KCNQ1: variants seen among roughly 807,000 people sequenced by gnomAD.
KCNQ1 encodes potassium voltage-gated channel subfamily KQT member 1.
In KCNQ1, 49 loss-of-function variants were observed where a neutral mutation model predicts 72.4. That is an observed-to-expected ratio of 0.68 (90% CI 0.54 to 0.86). The LOEUF (loss-of-function observed/expected upper bound fraction) is 0.86, where lower values mean the gene tolerates loss of function less well. Among genes scored for constraint, KCNQ1 ranks in the 40% least tolerant of loss-of-function variants. The probability of loss-of-function intolerance (pLI) is 0.00; values close to 1 mark genes in which losing one functional copy is unlikely to be tolerated. For missense variants in KCNQ1, 790 were observed against 945.1 expected, an observed-to-expected ratio of 0.84 and a Z score of 2.15; for synonymous variants, 450 against 412.6, an observed-to-expected ratio of 1.09 and a Z score of -1.10.
chr11:2,613,543 C>T lies in KCNQ1; in HGVS notation c.1393+24689C>T, dbSNP rs902716240. 3 of 398,470 alleles carry T rather than the reference C, an allele frequency of 7.5e-6. No individual in the cohort carries two copies. The highest frequency in any genetic ancestry group is 1.3e-5 in the Non-Finnish European group (3 of 226,024). The allele number at this position is 398,470 out of a possible 1,614,324, so 24.7% of individuals were successfully genotyped here. A position where few individuals can be genotyped will look rare whatever the true frequency, so the allele number is the denominator to read the frequency against. On this transcript the variant is annotated intron_variant, in intron 10 of 15. Transcript: ENST00000155840. The surrounding 1 kb of genome is among the most constrained non-coding windows in gnomAD (Gnocchi z 4.8). ...TGGCAGCCCCACGTTAAATCATAAC[C>T]CTGCTATTCTTAGGAAGGCTTAATA...
intron 1 of KCNQ1, among the ~76,000 whole-genome samples, chr11:2,522,074 C>G (rs997219158): frequency 6.6e-6 from 1 of 152,254 alleles, no homozygotes; most frequent in South Asian, 2.1e-4. Flanking sequence ...GAAATGATGT[C>G]GGATAATTCA....
intron 11 of KCNQ1, chr11:2,688,685 G>A (rs924393332): frequency 1.3e-4 from 50 of 398,952 alleles, no homozygotes; most frequent in African/African-American, 7.2e-4. Flanking sequence ...CACACACCAC[G>A]TGCCTAGGCC....
chr11:2,706,832 G>T (rs543120575), intron 11 of KCNQ1, among the ~76,000 whole-genome samples: 1 of 152,196 alleles, frequency 6.6e-6, no homozygotes, highest in African/African-American at 2.4e-5. Context: ...CCACTCCCCG[G>T]TGCAGGTCCC....
chr11:2,499,389 T>C (rs1422328960), intron 1 of KCNQ1, among the ~76,000 whole-genome samples: 2 of 151,538 alleles, frequency 1.3e-5, no homozygotes, highest in East Asian at 3.9e-4. Context: ...AGAAGGGAAG[T>C]AACAAAGGAA....
intron 15 of KCNQ1, among the ~76,000 whole-genome samples, chr11:2,786,493 G>C (rs11529599): frequency 0.24 from 36,587 of 151,662 alleles, 4,487 homozygotes; most frequent in Admixed American, 0.31. Flanking sequence ...TTAATACTTC[G>C]TAAGATTTCA....
At chr11:2,633,718 G>C (rs1370868165) in intron 10 of KCNQ1, 3 of 398,204 alleles carry the variant, frequency 7.5e-6, no homozygotes, top group Non-Finnish European at 1.3e-5. Flanking sequence ...TGTTCCATTG[G>C]TCTATATGTC....
rs762240867 is a variant in KCNQ1 at position 2,695,578 on chromosome 11, C to A, written c.1514+33497C>A. ...CTGCCCTGAGCATGCACACACACAG[C>A]CTCTCGTTGTTCTGGGTGAGAACTG... On this transcript the variant is annotated intron_variant, in intron 11 of 15. Transcript: ENST00000155840. The surrounding 1 kb of genome is among the most constrained non-coding windows in gnomAD (Gnocchi z 5.2). The A allele has an allele frequency of 2.5e-6, 1 of 398,612 alleles. No individual in the cohort carries two copies. Among genetic ancestry groups the A allele is most frequent in the Non-Finnish European group, 4.4e-6 (1 of 226,080 alleles). The allele number at this position is 398,612 out of a possible 1,614,324, so 24.7% of individuals were successfully genotyped here. A position where few individuals can be genotyped will look rare whatever the true frequency, so the allele number is the denominator to read the frequency against.
chr11:2,606,241 A>G lies in KCNQ1; in HGVS notation c.1393+17387A>G, dbSNP rs1279577515. Among the ~76,000 whole-genome samples, 5 of 152,112 alleles carry G rather than the reference A, an allele frequency of 3.3e-5. No homozygotes were observed. In the South Asian group the frequency reaches 6.2e-4, roughly 19 times the overall value. ...GATTTTGTCTCCTGCAGCCTTACTG[A>G]ACTCATTCGTTGTAATTGTTTCACA... is the stretch of plus-strand genomic sequence containing the variant. On this transcript the variant is annotated intron_variant, in intron 10 of 15. Coordinates refer to ENST00000155840, the MANE Select transcript of KCNQ1 (RefSeq NM_000218.3).
In KCNQ1 at chr11:2,691,133, C is replaced by CAGAG. The variant is rs1353827420; in HGVS notation, c.1514+29053_1514+29056dup. ...GGGTGGAGGCTGTGCAGACCTGGTG[C>CAGAG]AGAGTCTGTGCTGGCCTCTGGCCTC... On this transcript the variant is annotated intron_variant, in intron 11 of 15. Coordinates refer to ENST00000155840, the MANE Select transcript of KCNQ1 (RefSeq NM_000218.3). The surrounding 1 kb of genome is among the most constrained non-coding windows in gnomAD (Gnocchi z 6.4). 1 of 398,544 alleles carries CAGAG rather than the reference C, an allele frequency of 2.5e-6. No homozygotes were observed. The highest frequency in any genetic ancestry group is 4.4e-6 in the Non-Finnish European group (1 of 226,102). The allele number at this position is 398,544 out of a possible 1,614,324, so 24.7% of individuals were successfully genotyped here.
rs1297173098 is a variant in KCNQ1 at position 2,463,921 on chromosome 11, G to A, written c.386+18437G>A. Among the ~76,000 whole-genome samples, 1 of 152,236 alleles carries A rather than the reference G, an allele frequency of 6.6e-6. No homozygotes were observed. The highest frequency in any genetic ancestry group is 2.4e-5 in the African/African-American group (1 of 41,458). ...GGGGAAGGTTCTCCCCACGGTGTGA[G>A]GCAGCACCGAGGGCTCCGTGCCCAG... is the stretch of plus-strand genomic sequence containing the variant. On this transcript the variant is annotated intron_variant, in intron 1 of 15. Coordinates refer to ENST00000155840, the MANE Select transcript of KCNQ1 (RefSeq NM_000218.3). This position sits in a 1 kb window ranked among gnomAD's most constrained non-coding sequence, Gnocchi z 7.0.
At chr11:2,693,942 A>G (rs1564860569) in intron 11 of KCNQ1, 2 of 398,462 alleles carry the variant, frequency 5.0e-6, no homozygotes, top group Middle Eastern at 6.2e-4. Context: ...GCTGAGAACC[A>G]CTCATTCATC....
chr11:2,696,148 A>C (rs1219249811), intron 11 of KCNQ1: 18 of 398,456 alleles, frequency 4.5e-5, no homozygotes, highest in Non-Finnish European at 7.1e-5. Flanking sequence ...TTTAGTCTTG[A>C]GGTTTGTGCT....
Position 2,617,930 on chromosome 11 carries a change from A to G in KCNQ1, c.1393+29076A>G, listed in dbSNP as rs1849094572. 2.5e-6 allele frequency: 1 copy of G among 398,566 alleles called. No individual in the cohort carries two copies. Among genetic ancestry groups the G allele is most frequent in the Non-Finnish European group, 4.4e-6 (1 of 226,044 alleles). The allele number at this position is 398,566 out of a possible 1,614,324, so 24.7% of individuals were successfully genotyped here. A position where few individuals can be genotyped will look rare whatever the true frequency, so the allele number is the denominator to read the frequency against. ...TATGCATTCCTTATAAATTTTGGAT[A>G]TTATCCTCTTATAAGATATATGGTT... On this transcript the variant is annotated intron_variant, in intron 10 of 15. Transcript: ENST00000155840. This position sits in a 1 kb window ranked among gnomAD's most constrained non-coding sequence, Gnocchi z 4.6.
chr11:2,780,053 C>T (rs977272714), intron 15 of KCNQ1, among the ~76,000 whole-genome samples: 2 of 152,184 alleles, frequency 1.3e-5, no homozygotes, highest in South Asian at 4.1e-4. Flanking sequence ...GGCTCCCTGC[C>T]ATTACATTCG....
At chr11:2,773,952 A>G (rs1846648004) in intron 12 of KCNQ1, among the ~76,000 whole-genome samples, 1 of 152,014 alleles carries the variant, frequency 6.6e-6, no homozygotes, top group African/African-American at 2.4e-5. Context: ...TCAGCATCCC[A>G]TATTACAGAA....
At position 2,695,958 on chromosome 11, in the gene KCNQ1, TTTAA is replaced by T. The variant is rs1850669463; in HGVS notation, c.1514+33880_1514+33883del. ...TTTTAGCTGTTGTTCCCTCCTCAGC[TTTAA>T]TTGTTTCAAATATCTTGTAATGAGT... On this transcript the variant is annotated intron_variant, in intron 11 of 15. Transcript: ENST00000155840. This position sits in a 1 kb window ranked among gnomAD's most constrained non-coding sequence, Gnocchi z 5.2. 1 of 398,542 alleles carries T rather than the reference TTTAA, an allele frequency of 2.5e-6. No homozygotes were observed. Among genetic ancestry groups the T allele is most frequent in the Non-Finnish European group, 4.4e-6 (1 of 226,078 alleles). 24.7% of individuals were successfully genotyped at this position (398,542 alleles called of 1,614,324 possible).
chr11:2,653,288 G>A lies in KCNQ1; in HGVS notation c.1394-8673G>A, dbSNP rs1223857454. ...TGCCCTGAAAACTAGTGGGGGCAGT[G>A]CAGACCAGTTTAGCTATTTTGTAAC... On this transcript the variant is annotated intron_variant, in intron 10 of 15. Transcript: ENST00000155840. This position sits in a 1 kb window ranked among gnomAD's most constrained non-coding sequence, Gnocchi z 5.3. 2.5e-6 allele frequency: 1 copy of A among 398,638 alleles called. No homozygotes were observed. Among genetic ancestry groups the A allele is most frequent in the Non-Finnish European group, 4.4e-6 (1 of 226,162 alleles). The allele number at this position is 398,638 out of a possible 1,614,324, so 24.7% of individuals were successfully genotyped here.
At position 2,720,392 on chromosome 11, in the gene KCNQ1, C is replaced by G. The variant is rs1851182897; in HGVS notation, c.1515-48452C>G. ...ACAGTCAGGCCTCCTTCGTGCTGAGCATGTGCTGGCCCTGCCTGGGGACAG... is the reference window on the plus strand; with the variant it reads ...ACAGTCAGGCCTCCTTCGTGCTGAGGATGTGCTGGCCCTGCCTGGGGACAG... On this transcript the variant is annotated intron_variant, in intron 11 of 15. Coordinates refer to ENST00000155840, the MANE Select transcript of KCNQ1 (RefSeq NM_000218.3). This position sits in a 1 kb window ranked among gnomAD's most constrained non-coding sequence, Gnocchi z 5.1. 6.6e-6 allele frequency among the ~76,000 whole-genome samples: 1 copy of G among 152,196 alleles called. No individual in the cohort carries two copies. Among genetic ancestry groups the G allele is most frequent in the African/African-American group, 2.4e-5 (1 of 41,442 alleles).
At position 2,808,252 on chromosome 11, in the gene KCNQ1, C is replaced by G. The variant is rs1047775567; in HGVS notation, c.1794+30215C>G. Among the ~76,000 whole-genome samples the G allele has an allele frequency of 6.6e-6, 1 of 152,246 alleles. No homozygotes were observed. The highest frequency in any genetic ancestry group is 1.9e-4 in the East Asian group (1 of 5,196). On this transcript the variant is annotated intron_variant, in intron 15 of 15. Coordinates refer to ENST00000155840, the MANE Select transcript of KCNQ1 (RefSeq NM_000218.3). The surrounding 1 kb of genome is among the most constrained non-coding windows in gnomAD (Gnocchi z 6.0). Reference sequence around the variant, plus strand: ...CTTCCAGCCCTCCCCCAGCACCCACCAAGCCCCTGCGATATCCCAGTGGAA... The same window carrying G: ...CTTCCAGCCCTCCCCCAGCACCCACGAAGCCCCTGCGATATCCCAGTGGAA...
Sources: allele counts gnomAD v4.1 joint callset (sites outside exome capture counted in the v4.1 genomes callset), GRCh38; gene constraint gnomAD v4.1.1; non-coding constraint Gnocchi (gnomAD v3.1); transcripts MANE v1.5; gene names NCBI Gene and HGNC (gene_info 2026-07-23, HGNC 2026-07-21).